Variants in CLEC2L observed in about 807,000 individuals in gnomAD.
The protein encoded by CLEC2L is C-type lectin domain family 2, member L.
Under a neutral mutation model 23.6 loss-of-function variants are expected in CLEC2L, and 14 were observed. The observed-to-expected ratio is 0.59, with a 90% CI of 0.39 to 0.93. The LOEUF (loss-of-function observed/expected upper bound fraction) is 0.93. Ranked by LOEUF, CLEC2L falls within the 40% of genes least tolerant of loss-of-function variation. CLEC2L has a pLI of 0.00. For missense variants in CLEC2L, 264 were observed against 282.4 expected, an observed-to-expected ratio of 0.93 and a Z score of 0.47; for synonymous variants, 114 against 121.3, an observed-to-expected ratio of 0.94 and a Z score of 0.40.
chr7:139,523,823 G>C lies in CLEC2L; in HGVS notation c.-105G>C. ...GCGCCGCGGTCCTAGCCCACCCGAG[G>C]CCGGCCTGGGGGGCCCGCAGGGCGC... is the stretch of plus-strand genomic sequence containing the variant. On this transcript the variant is annotated 5_prime_UTR_variant, in exon 1 of 5. Coordinates refer to ENST00000422142, the MANE Select transcript of CLEC2L (RefSeq NM_001080511.4). The surrounding 1 kb of genome is among the most constrained non-coding windows in gnomAD (Gnocchi z 4.1). 6.6e-6 allele frequency: 5 copies of C among 758,730 alleles called. No homozygotes were observed. The highest frequency in any genetic ancestry group is 8.0e-6 in the Non-Finnish European group (5 of 625,364). 47.0% of individuals were successfully genotyped at this position (758,730 alleles called of 1,614,324 possible).
At chr7:139,530,764 G>A (rs1220685456) in intron 1 of CLEC2L, among the ~76,000 whole-genome samples, 2 of 139,168 alleles carry the variant, frequency 1.4e-5, no homozygotes, top group African/African-American at 5.5e-5. Context: ...AGTGAGCTGA[G>A]ATCGCACCAC....
chr7:139,524,037 A>G lies in CLEC2L; in HGVS notation c.110A>G (p.Glu37Gly). ...AGGCCGCGTTCGCCCGCAGAGGCTG[A>G]GGCCCGCGGCCCCGAGGGGCTGCTG... ...APRPRSPAEA[E>G]ARGPEGLLRR... The change falls in exon 1 of 5, where the codon GAG becomes GGG. Residue 37 changes from glutamate (E) to glycine (G), a missense_variant. Transcript: ENST00000422142. The G allele has an allele frequency of 8.4e-7, 1 of 1,195,424 alleles. No individual in the cohort carries two copies. The highest frequency in any genetic ancestry group is 1.0e-6 in the Non-Finnish European group (1 of 963,498). The allele number at this position is 1,195,424 out of a possible 1,614,324, so 74.1% of individuals were successfully genotyped here. A position where few individuals can be genotyped will look rare whatever the true frequency, so the allele number is the denominator to read the frequency against.
intron 2 of CLEC2L, among the ~76,000 whole-genome samples, chr7:139,536,582 G>A (rs567893155): frequency 6.6e-6 from 1 of 152,134 alleles, no homozygotes; most frequent in East Asian, 1.9e-4. Context: ...TGTTACTTAG[G>A]TATTATTTTG....
At chr7:139,537,601 TG>T (rs896532432) in intron 2 of CLEC2L, among the ~76,000 whole-genome samples, 3 of 151,422 alleles carry the variant, frequency 2.0e-5, no homozygotes, top group Admixed American at 6.6e-5. Context: ...GGGTGGGCAG[TG>T]GGGGTATGAG....
intron 1 of CLEC2L, among the ~76,000 whole-genome samples, chr7:139,531,036 A>T (rs1221767918): frequency 6.6e-6 from 1 of 152,114 alleles, no homozygotes; most frequent in Non-Finnish European, 1.5e-5. Context: ...GAATCCCAAG[A>T]ATCAGCCCAG....
At chr7:139,527,276 C>T (rs1047915733) in intron 1 of CLEC2L, among the ~76,000 whole-genome samples, 1 of 152,156 alleles carries the variant, frequency 6.6e-6, no homozygotes, top group Non-Finnish European at 1.5e-5. Context: ...CTGACCCCTT[C>T]CTGCATGGCC....
At chr7:139,531,460 G>A (rs546910531) in intron 1 of CLEC2L, among the ~76,000 whole-genome samples, 2 of 152,244 alleles carry the variant, frequency 1.3e-5, no homozygotes, top group South Asian at 2.1e-4. Flanking sequence ...AATGTTCCAC[G>A]AAATAGAGCA....
In CLEC2L at chr7:139,537,346, T is replaced by C. The variant is rs182357938; in HGVS notation, c.265+998T>C. Among the ~76,000 whole-genome samples the C allele has an allele frequency of 2.4e-3, 364 of 152,334 alleles. 4 individuals are homozygous for C. Among genetic ancestry groups the C allele is most frequent in the African/African-American group, 8.1e-3 (338 of 41,552 alleles). ...CAATGTTTATTAATATTTATGTTCA[T>C]GGGAGTTCACAGATAATAAGTGAAA... On this transcript the variant is annotated intron_variant, in intron 2 of 4. Coordinates refer to ENST00000422142, the MANE Select transcript of CLEC2L (RefSeq NM_001080511.4).
At chr7:139,526,426 C>T (rs932074214) in intron 1 of CLEC2L, among the ~76,000 whole-genome samples, 2 of 152,142 alleles carry the variant, frequency 1.3e-5, no homozygotes, top group South Asian at 2.1e-4. Flanking sequence ...GAAAGGAGCT[C>T]ATGGAGCAGG....
rs1797776801 is a variant in CLEC2L at position 139,544,261 on chromosome 7, C to T, written c.564C>T (p.Val188=). 6.2e-7 allele frequency: 1 copy of T among 1,613,512 alleles called. No individual in the cohort carries two copies. The highest frequency in any genetic ancestry group is 8.5e-7 in the Non-Finnish European group (1 of 1,179,704). Residue 188 remains valine (V), a synonymous_variant, in exon 5 of 5, where the codon GTC becomes GTT. Transcript: ENST00000422142. ...CCATCGCAGGTCCAGGGGAGTGTGT[C>T]TTCGTGGAGCCCACCAGGCTGGTGT... is the stretch of plus-strand genomic sequence containing the variant. ...TFTIAGPGEC[V]FVEPTRLVST... is the part of the protein sequence containing the mutation.
Position 139,540,072 on chromosome 7 carries a change from G to A in CLEC2L, c.266-249G>A, listed in dbSNP as rs1383785985. 6.3e-5 allele frequency: 31 copies of A among 489,188 alleles called. No individual in the cohort carries two copies. Among genetic ancestry groups the A allele is most frequent in the South Asian group, 6.0e-4 (25 of 41,498 alleles). 30.3% of individuals were successfully genotyped at this position (489,188 alleles called of 1,614,324 possible). On this transcript the variant is annotated intron_variant, in intron 2 of 4. Coordinates refer to ENST00000422142, the MANE Select transcript of CLEC2L (RefSeq NM_001080511.4). The surrounding 1 kb of genome is among the most constrained non-coding windows in gnomAD (Gnocchi z 5.8). The stretch of plus-strand genomic sequence containing the variant: ...ATGCCTCTGGGAGTTTGGAGACAGA[G>A]GAGATCCTAACCCAGGGGCTGCCCT...
At chr7:139,543,003 C>T (rs1797759685) in intron 4 of CLEC2L, among the ~76,000 whole-genome samples, 1 of 152,080 alleles carries the variant, frequency 6.6e-6, no homozygotes, top group Non-Finnish European at 1.5e-5. Flanking sequence ...CAGCTCCTAA[C>T]CCGATGATGA....
chr7:139,523,971 C>T lies in CLEC2L; in HGVS notation c.44C>T (p.Pro15Leu), dbSNP rs1183126855. 10 of 967,616 alleles carry T rather than the reference C, an allele frequency of 1.0e-5. No individual in the cohort carries two copies. The highest frequency in any genetic ancestry group is 1.2e-5 in the Non-Finnish European group (10 of 816,458). The allele number at this position is 967,616 out of a possible 1,614,324, so 59.9% of individuals were successfully genotyped here. ...CCCCCCTCGCGGGCCCGGCCGCCGC[C>T]GCCCCTCGCCGCGCGCCCCGCGCCC... ...REPPSRARPPPPLAARPAPAP... is the reference protein window; with the variant it reads ...REPPSRARPPLPLAARPAPAP... The change falls in exon 1 of 5, where the codon CCG (proline) becomes CTG (leucine). Residue 15 changes from proline to leucine, a missense_variant. Physicochemically the swap from Pro to Leu is moderately conservative, Grantham distance 98. Transcript: ENST00000422142. The surrounding 1 kb of genome is among the most constrained non-coding windows in gnomAD (Gnocchi z 4.1).
At chr7:139,526,056 T>C (rs967066671) in intron 1 of CLEC2L, among the ~76,000 whole-genome samples, 1 of 152,156 alleles carries the variant, frequency 6.6e-6, no homozygotes, top group Non-Finnish European at 1.5e-5. Flanking sequence ...GCAGTCCCAC[T>C]CCTGATGGCC....
At chr7:139,541,932 G>T in intron 3 of CLEC2L, 89 bp from the exon 4 acceptor site, 1 of 856,844 alleles carries the variant, frequency 1.2e-6, no homozygotes, top group South Asian at 1.5e-5. Context: ...CCGAGAGCCA[G>T]TATCTTCCAA....
intron 1 of CLEC2L, among the ~76,000 whole-genome samples, chr7:139,528,055 C>T (rs1017688089): frequency 6.6e-6 from 1 of 152,024 alleles, no homozygotes; most frequent in African/African-American, 2.4e-5. Context: ...CATTTAGAAA[C>T]CTAAATAAAC....
chr7:139,526,203 CT>C (rs1797503519), intron 1 of CLEC2L, among the ~76,000 whole-genome samples: 1 of 152,128 alleles, frequency 6.6e-6, no homozygotes, highest in Non-Finnish European at 1.5e-5. Context: ...CCAAGCTCCT[CT>C]CTTCTGAGAG....
At chr7:139,529,569 AT>A (rs1441553497) in intron 1 of CLEC2L, among the ~76,000 whole-genome samples, 1 of 152,210 alleles carries the variant, frequency 6.6e-6, no homozygotes, top group African/African-American at 2.4e-5. Flanking sequence ...ACAGCAGAGC[AT>A]GAACAGAGAG....
At chr7:139,532,052 CAATG>C (rs1797590254) in intron 1 of CLEC2L, among the ~76,000 whole-genome samples, 1 of 151,994 alleles carries the variant, frequency 6.6e-6, no homozygotes, top group Non-Finnish European at 1.5e-5. Flanking sequence ...GAACATTGTG[CAATG>C]AAGACCCTAA....
Sources: gnomAD v4.1 joint callset for allele counts (sites outside exome capture counted in the v4.1 genomes callset) on GRCh38, gnomAD v4.1.1 for gene constraint, Gnocchi (gnomAD v3.1) non-coding constraint, MANE v1.5 for transcripts, NCBI Gene and HGNC (gene_info 2026-07-23, HGNC 2026-07-21) for gene names.